Variants in SYT17 observed in about 807,000 individuals in gnomAD.
SYT17 encodes the protein synaptotagmin 17.
SYT17 carries 22 observed loss-of-function variants against 46.7 expected under a neutral mutation model. The ratio of observed to expected loss-of-function variants is 0.47; its 90% CI spans 0.34 to 0.67. The LOEUF (loss-of-function observed/expected upper bound fraction) is 0.67, where lower values mean the gene tolerates loss of function less well. Ranked by LOEUF, SYT17 falls within the 30% of genes least tolerant of loss-of-function variation. The pLI is 0.01. For missense variants in SYT17, 519 were observed against 612.8 expected, an observed-to-expected ratio of 0.85 and a Z score of 1.62; for synonymous variants, 251 against 248.4, an observed-to-expected ratio of 1.01 and a Z score of -0.10.
rs376405294 is a variant in SYT17, at chr16:19,182,960, G to A, written c.332-568G>A. 3.9e-5 allele frequency among the ~76,000 whole-genome samples: 6 copies of A among 152,198 alleles called. No homozygotes were observed. The East Asian group carries it at 1.2e-3, about 29-fold the overall frequency. On this transcript the variant is annotated intron_variant, in intron 4 of 7. Transcript: ENST00000355377. ...TCTATTTTACTGATGGGAAAACAGAGTCCCAGAGAGTCAAAAGAATATGCC... is the reference window on the plus strand; with the variant it reads ...TCTATTTTACTGATGGGAAAACAGAATCCCAGAGAGTCAAAAGAATATGCC...
At chr16:19,258,318 T>C (rs547106577) in intron 7 of SYT17, among the ~76,000 whole-genome samples, 1 of 152,052 alleles carries the variant, frequency 6.6e-6, no homozygotes, top group East Asian at 1.9e-4. Context: ...CATCTGGCAA[T>C]GTCTAGAGAT....
At chr16:19,195,422 A>G (rs1248842293) in intron 5 of SYT17, among the ~76,000 whole-genome samples, 1 of 141,330 alleles carries the variant, frequency 7.1e-6, no homozygotes, top group African/African-American at 2.7e-5. Flanking sequence ...TTTTTAAGAG[A>G]TTGGGGAGTG....
chr16:19,253,688 C>A (rs965560900), intron 7 of SYT17, among the ~76,000 whole-genome samples: 76 of 152,046 alleles, frequency 5.0e-4, no homozygotes, highest in Non-Finnish European at 8.1e-4. Context: ...GTGTGCCTAC[C>A]CTGGCCCTAG....
At chr16:19,248,379 C>A (rs1448193323) in intron 7 of SYT17, among the ~76,000 whole-genome samples, 1 of 151,966 alleles carries the variant, frequency 6.6e-6, no homozygotes, top group African/African-American at 2.4e-5. Flanking sequence ...GGTATTTACC[C>A]AAGAGAAACA....
chr16:19,240,372 G>A (rs946073265), intron 7 of SYT17, among the ~76,000 whole-genome samples: 7 of 152,114 alleles, frequency 4.6e-5, no homozygotes, highest in East Asian at 3.9e-4. Flanking sequence ...TGTAGCCAGC[G>A]TGTCCCAACG....
At position 19,173,691 on chromosome 16, in the gene SYT17, G is replaced by T. The variant is rs1964200231; in HGVS notation, c.182+113G>T. Reference sequence around the variant, plus strand: ...GGAGGGAGGATTTGGGGGCATGAAAGAGAAGCAGGCTGAGTTTCCAGGGAC... The same window carrying T: ...GGAGGGAGGATTTGGGGGCATGAAATAGAAGCAGGCTGAGTTTCCAGGGAC... On this transcript the variant is annotated intron_variant, in intron 3 of 7. Coordinates refer to ENST00000355377, the MANE Select transcript of SYT17 (RefSeq NM_016524.4). 9.9e-6 allele frequency: 12 copies of T among 1,218,246 alleles called. No individual in the cohort carries two copies. In the East Asian group the frequency reaches 3.0e-4, roughly 31 times the overall value. 75.5% of individuals were successfully genotyped at this position (1,218,246 alleles called of 1,614,324 possible).
chr16:19,212,548 G>A (rs1177812161), intron 5 of SYT17, among the ~76,000 whole-genome samples: 1 of 152,130 alleles, frequency 6.6e-6, no homozygotes, highest in Non-Finnish European at 1.5e-5. Flanking sequence ...TTGAACCCAG[G>A]AGGCAGAGGC....
chr16:19,210,449 T>TA (rs1051964864), intron 5 of SYT17, among the ~76,000 whole-genome samples: 4 of 151,768 alleles, frequency 2.6e-5, no homozygotes, highest in Admixed American at 2.6e-4. Context: ...CCCTCTGATC[T>TA]AAGGGTATTT....
intron 7 of SYT17, among the ~76,000 whole-genome samples, chr16:19,248,038 A>AC (rs986083279): frequency 2.0e-5 from 3 of 152,204 alleles, no homozygotes; most frequent in Admixed American, 6.5e-5. Context: ...GACAGTCCAC[A>AC]CCCCAAGAAA....
Position 19,183,840 on chromosome 16 carries a change from T to A in SYT17, c.644T>A (p.Ile215Asn), listed in dbSNP as rs751914396. Residue 215 changes from isoleucine (I) to asparagine (N), a missense_variant, in exon 5 of 8, where the codon ATC becomes AAC. By Grantham distance (149) the Ile-to-Asn change is moderately radical. Transcript: ENST00000355377. The surrounding 1 kb of genome is among the most constrained non-coding windows in gnomAD (Gnocchi z 5.6). Reference sequence around the variant, plus strand: ...GAGGCCAGGGACCTGCCACCTCCCATCTCCCACGATGGCTCGCGCCAGGAC... The same window carrying A: ...GAGGCCAGGGACCTGCCACCTCCCAACTCCCACGATGGCTCGCGCCAGGAC... ...VIEARDLPPPISHDGSRQDMA... is the reference protein window; with the variant it reads ...VIEARDLPPPNSHDGSRQDMA... 1.9e-6 allele frequency: 3 copies of A among 1,613,934 alleles called. No individual in the cohort carries two copies. The highest frequency in any genetic ancestry group is 8.5e-7 in the Non-Finnish European group (1 of 1,180,020).
At chr16:19,211,515 G>A (rs1965899868) in intron 5 of SYT17, 2 of 702,816 alleles carry the variant, frequency 2.8e-6, no homozygotes, top group South Asian at 1.5e-5. Flanking sequence ...TGGAGGCAGA[G>A]GGGTGTTTTC....
intron 7 of SYT17, among the ~76,000 whole-genome samples, chr16:19,255,428 G>T (rs1429217001): frequency 1.3e-5 from 2 of 152,156 alleles, no homozygotes; most frequent in African/African-American, 4.8e-5. Flanking sequence ...CTCCCTCCAA[G>T]ACATGACAAT....
At position 19,267,047 on chromosome 16, in the gene SYT17, G is replaced by A. The variant is rs187301830; in HGVS notation, c.1396G>A (p.Val466Met). 3.0e-5 allele frequency: 48 copies of A among 1,610,068 alleles called. No individual in the cohort carries two copies. Among genetic ancestry groups the A allele is most frequent in the Middle Eastern group, 1.8e-4 (1 of 5,664 alleles). ...SLRSRAECDRVSPASLEVT is the reference protein window; with the variant it reads ...SLRSRAECDRMSPASLEVT ...GAGGTCCCGAGCTGAGTGTGACCGC[G>A]TGTCTCCTGCCTCCCTGGAGGTGAC... Residue 466 changes from valine to methionine, a missense_variant, in exon 8 of 8, where the codon GTG becomes ATG. Transcript: ENST00000355377.
Position 19,168,620 on chromosome 16 carries a change from G to A in SYT17, c.-27G>A. ...AGTGGCCGTGGCGGCGCCATGCCCG[G>A]GCCGGAGTGAGTGCGCGCGGGCGAA... On this transcript the variant is annotated 5_prime_UTR_variant, in exon 1 of 8. Transcript: ENST00000355377. This position sits in a 1 kb window ranked among gnomAD's most constrained non-coding sequence, Gnocchi z 6.9. 6.5e-7 allele frequency: 1 copy of A among 1,541,182 alleles called. No individual in the cohort carries two copies. The highest frequency in any genetic ancestry group is 8.8e-7 in the Non-Finnish European group (1 of 1,141,970).
intron 7 of SYT17, among the ~76,000 whole-genome samples, chr16:19,249,306 A>G (rs60400813): frequency 0.047 from 7,060 of 151,152 alleles, 728 homozygotes; most frequent in East Asian, 0.34. Context: ...AAATAAATAA[A>G]TAAGTAAATA....
intron 7 of SYT17, among the ~76,000 whole-genome samples, chr16:19,227,678 T>C (rs1381661363): frequency 1.3e-5 from 2 of 152,228 alleles, no homozygotes; most frequent in Non-Finnish European, 2.9e-5. Flanking sequence ...ATGCCTTTAA[T>C]GTTCTGCTGT....
At chr16:19,263,534 G>A (rs1310501030) in intron 7 of SYT17, among the ~76,000 whole-genome samples, 2 of 151,706 alleles carry the variant, frequency 1.3e-5, no homozygotes, top group South Asian at 2.1e-4. Flanking sequence ...CAGCTACTTG[G>A]GAGTCTGAGG....
At chr16:19,200,674 G>A (rs1226947472) in intron 5 of SYT17, among the ~76,000 whole-genome samples, 1 of 152,220 alleles carries the variant, frequency 6.6e-6, no homozygotes, top group Non-Finnish European at 1.5e-5. Flanking sequence ...TCCCCCTTGG[G>A]CAGGGTGTCC....
intron 3 of SYT17, among the ~76,000 whole-genome samples, chr16:19,175,439 A>T (rs1216834083): frequency 6.6e-6 from 1 of 151,970 alleles, no homozygotes; most frequent in East Asian, 1.9e-4. Flanking sequence ...GGACTGCTTG[A>T]GGTCAGGAGT....
Sources: allele counts gnomAD v4.1 joint callset (sites outside exome capture counted in the v4.1 genomes callset), GRCh38; gene constraint gnomAD v4.1.1; non-coding constraint Gnocchi (gnomAD v3.1); transcripts MANE v1.5; gene names NCBI Gene and HGNC (gene_info 2026-07-23, HGNC 2026-07-21).